RUNX2: variants seen among roughly 807,000 people sequenced by gnomAD.
The protein encoded by RUNX2 is runt-related transcription factor 2.
Under a neutral mutation model 51.7 loss-of-function variants are expected in RUNX2, and 10 were observed. The ratio of observed to expected loss-of-function variants is 0.19; its 90% CI spans 0.12 to 0.33. RUNX2 has a LOEUF of 0.33. Ranked by LOEUF, RUNX2 falls within the 10% of genes least tolerant of loss-of-function variation. RUNX2 has a pLI of 1.00. For synonymous variants in RUNX2, 276 were observed against 273.6 expected (o/e 1.01, Z -0.09); for missense variants, 562 against 691.3 (o/e 0.81, Z 2.10).
chr6:45,379,057 T>C (rs1281821156), intron 2 of RUNX2, among the ~76,000 whole-genome samples: 1 of 152,250 alleles, frequency 6.6e-6, no homozygotes, highest in South Asian at 2.1e-4. Context: ...CTTCCTTCTA[T>C]TTGCTTAAAT....
rs1164400618 is a variant in RUNX2, at chr6:45,546,824, T to C, written c.1088-3T>C. ...TCCCTCCATCTTCTGTTATAATTTT[T>C]AGGTGCTTCAGAACTGGGCCCTTTT... On this transcript the variant is annotated splice_polypyrimidine_tract_variant and splice_region_variant and intron_variant, in intron 8 of 8. Transcript: ENST00000647337. 6.2e-7 allele frequency: 1 copy of C among 1,609,898 alleles called. No homozygotes were observed. Among genetic ancestry groups the C allele is most frequent in the South Asian group, 1.1e-5 (1 of 90,994 alleles).
intron 5 of RUNX2, among the ~76,000 whole-genome samples, chr6:45,479,073 T>C (rs1317268964): frequency 6.6e-6 from 1 of 152,010 alleles, no homozygotes; most frequent in Admixed American, 6.6e-5. Context: ...TTGCAAGGGT[T>C]GTTAGTAGGA....
intron 3 of RUNX2, among the ~76,000 whole-genome samples, chr6:45,424,206 T>G (rs1321075): frequency 0.84 from 127,645 of 152,128 alleles, 53,691 homozygotes; most frequent in South Asian, 0.93. Flanking sequence ...CAGGTTGAGG[T>G]TTTAGGATCT....
chr6:45,538,780 A>G (rs1483951175), intron 7 of RUNX2, among the ~76,000 whole-genome samples: 2 of 151,860 alleles, frequency 1.3e-5, no homozygotes, highest in Non-Finnish European at 2.9e-5. Context: ...ATGTGTTCCC[A>G]ATATATCCCA....
At chr6:45,428,837 G>A (rs71566532) in intron 3 of RUNX2, among the ~76,000 whole-genome samples, 5,498 of 94,518 alleles carry the variant, frequency 0.058, 135 homozygotes, top group African/African-American at 0.1. Context: ...GGGGCAGATT[G>A]CTTTTTTTTT....
chr6:45,533,981 G>A (rs916958825), intron 7 of RUNX2, among the ~76,000 whole-genome samples: 4 of 137,966 alleles, frequency 2.9e-5, no homozygotes, highest in African/African-American at 2.7e-5. Context: ...TGCAACCTCC[G>A]CCTCCTGGGT....
intron 2 of RUNX2, among the ~76,000 whole-genome samples, chr6:45,397,677 A>G (rs906896929): frequency 6.6e-6 from 1 of 152,176 alleles, no homozygotes; most frequent in African/African-American, 2.4e-5. Flanking sequence ...CCATTTTTAC[A>G]CTTTCTTTGG....
At chr6:45,501,371 A>G (rs138057871) in intron 6 of RUNX2, among the ~76,000 whole-genome samples, 4 of 152,174 alleles carry the variant, frequency 2.6e-5, no homozygotes, top group African/African-American at 9.6e-5. Context: ...CTCTTATTTC[A>G]TTTCATCATG....
chr6:45,347,478 C>A (rs1791121884), intron 2 of RUNX2, among the ~76,000 whole-genome samples: 1 of 152,086 alleles, frequency 6.6e-6, no homozygotes, highest in Non-Finnish European at 1.5e-5. Flanking sequence ...ATCCATGTAT[C>A]ATTATAGGCA....
intron 2 of RUNX2, chr6:45,421,024 C>T (rs1198881495): frequency 1.3e-5 from 2 of 152,148 alleles, no homozygotes. Context: ...GATCCAAAGT[C>T]GCTTTTTAAA....
chr6:45,336,223 A>C (rs1788523615), intron 2 of RUNX2, among the ~76,000 whole-genome samples: 1 of 151,484 alleles, frequency 6.6e-6, no homozygotes, highest in African/African-American at 2.4e-5. Context: ...TAACCACTTC[A>C]TTTTAAAAGT....
chr6:45,360,942 G>C (rs1581898755), intron 2 of RUNX2, among the ~76,000 whole-genome samples: 1 of 152,072 alleles, frequency 6.6e-6, no homozygotes. Context: ...TATGCCTCTT[G>C]AAGGCATTCA....
intron 7 of RUNX2, among the ~76,000 whole-genome samples, chr6:45,538,315 T>A (rs537946408): frequency 1.4e-4 from 22 of 152,342 alleles, no homozygotes; most frequent in Admixed American, 2.6e-4. Flanking sequence ...AAATAAGAGT[T>A]GGTCTTGTAG....
intron 7 of RUNX2, among the ~76,000 whole-genome samples, chr6:45,514,368 A>T (rs1324374939): frequency 6.6e-6 from 1 of 152,162 alleles, no homozygotes; most frequent in Non-Finnish European, 1.5e-5. Flanking sequence ...TTCCCATTTC[A>T]CAGGTAGGGA....
chr6:45,428,169 C>A (rs7760251), intron 3 of RUNX2, among the ~76,000 whole-genome samples: 1,855 of 152,178 alleles, frequency 0.012, 39 homozygotes, highest in African/African-American at 0.043. Context: ...AGTTAAAGAG[C>A]GAGTTTTGAC....
intron 5 of RUNX2, among the ~76,000 whole-genome samples, chr6:45,462,384 G>C (rs1799501965): frequency 6.6e-6 from 1 of 152,162 alleles, no homozygotes; most frequent in Non-Finnish European, 1.5e-5. Flanking sequence ...AGTCTTATAG[G>C]TCTTATGTGT....
intron 7 of RUNX2, among the ~76,000 whole-genome samples, chr6:45,528,011 C>T (rs4438954): frequency 3.9e-5 from 6 of 152,070 alleles, no homozygotes; most frequent in South Asian, 4.1e-4. Flanking sequence ...CATGGCAAAA[C>T]GCGAAAGAGG....
At chr6:45,454,052 C>T (rs1336979780) in intron 5 of RUNX2, among the ~76,000 whole-genome samples, 1 of 152,156 alleles carries the variant, frequency 6.6e-6, no homozygotes, top group Non-Finnish European at 1.5e-5. Context: ...AGGAGAGATG[C>T]CTCTTCCTTT....
At chr6:45,443,086 A>G (rs1382792060) in intron 5 of RUNX2, among the ~76,000 whole-genome samples, 2 of 119,354 alleles carry the variant, frequency 1.7e-5, no homozygotes, top group Non-Finnish European at 3.1e-5. Flanking sequence ...TTGCCCTGTC[A>G]TCCAGGCTGG....
Sources: allele counts gnomAD v4.1 joint callset (sites outside exome capture counted in the v4.1 genomes callset), GRCh38; gene constraint gnomAD v4.1.1; transcripts MANE v1.5; gene names NCBI Gene and HGNC (gene_info 2026-07-23, HGNC 2026-07-21).